The following SPAG16 variants were observed in gnomAD, a reference collection of about 807,000 sequenced individuals.
SPAG16 encodes sperm-associated antigen 16 protein.
SPAG16 carries 86 observed loss-of-function variants against 80.4 expected under a neutral mutation model. That is an observed-to-expected ratio of 1.07 (90% CI 0.90 to 1.28). The LOEUF (loss-of-function observed/expected upper bound fraction) is 1.28, where lower values mean the gene tolerates loss of function less well. SPAG16 is among the 50% of genes most tolerant of loss of function. The probability of loss-of-function intolerance (pLI) is 0.00; values close to 1 mark genes in which losing one functional copy is unlikely to be tolerated. For synonymous variants in SPAG16, 294 were observed against 265.9 expected (o/e 1.11, Z -1.03); for missense variants, 870 against 765.3 (o/e 1.14, Z -1.61).
chr2:213,915,499 G>A (rs991669559), intron 11 of SPAG16, among the ~76,000 whole-genome samples: 2 of 152,134 alleles, frequency 1.3e-5, no homozygotes, highest in Admixed American at 1.3e-4. Flanking sequence ...TGGTGTATAT[G>A]TGCCACATTT....
intron 14 of SPAG16, among the ~76,000 whole-genome samples, chr2:214,133,115 T>A (rs369312660): frequency 1.5e-4 from 11 of 74,714 alleles, no homozygotes; most frequent in South Asian, 4.4e-4. Context: ...ATAAAAAAAA[T>A]AAATAAATAA....
chr2:213,531,359 AGTGTGTGT>A (rs56011234), intron 10 of SPAG16, among the ~76,000 whole-genome samples: 27 of 142,118 alleles, frequency 1.9e-4, no homozygotes, highest in Non-Finnish European at 2.2e-4. Flanking sequence ...AAAAGATGTG[AGTGTGTGT>A]GTGTGTGTGT....
intron 10 of SPAG16, among the ~76,000 whole-genome samples, chr2:213,837,243 G>T (rs2074133736): frequency 6.6e-6 from 1 of 152,186 alleles, no homozygotes; most frequent in South Asian, 2.1e-4. Flanking sequence ...TCAGTGATGT[G>T]CTAGGGCACT....
At chr2:213,384,340 T>C (rs924772400) in intron 9 of SPAG16, among the ~76,000 whole-genome samples, 1 of 152,216 alleles carries the variant, frequency 6.6e-6, no homozygotes, top group Admixed American at 6.5e-5. Context: ...ATACCAAGTA[T>C]GTTCTTTCAA....
At chr2:213,428,959 G>A (rs1462579920) in intron 9 of SPAG16, among the ~76,000 whole-genome samples, 1 of 152,022 alleles carries the variant, frequency 6.6e-6, no homozygotes, top group Non-Finnish European at 1.5e-5. Context: ...GAGCATGGTG[G>A]CAGGCTCCTG....
At chr2:213,323,379 T>C (rs578079977) in intron 5 of SPAG16, among the ~76,000 whole-genome samples, 1 of 152,100 alleles carries the variant, frequency 6.6e-6, no homozygotes, top group South Asian at 2.1e-4. Flanking sequence ...AGGCGGAGCT[T>C]GCAGTGAGCC....
intron 9 of SPAG16, among the ~76,000 whole-genome samples, chr2:213,385,849 T>C (rs1178120051): frequency 6.6e-6 from 1 of 152,008 alleles, no homozygotes; most frequent in Non-Finnish European, 1.5e-5. Flanking sequence ...AATAAATTTA[T>C]TTTTCCATAA....
chr2:214,250,769 G>A lies in SPAG16; in HGVS notation c.1720+101503G>A, dbSNP rs1395289728. On this transcript the variant is annotated intron_variant, in intron 15 of 15. Transcript: ENST00000331683. ...ATATATATATATATAGAGAGAGAGA[G>A]AGAGAGAGAGAGAGAGAGAGTCAAA... Among the ~76,000 whole-genome samples, 37 of 145,206 alleles carry A rather than the reference G, an allele frequency of 2.5e-4. No homozygotes were observed. In the East Asian group the frequency reaches 6.8e-3, roughly 27 times the overall value.
At chr2:213,755,111 T>A (rs2068262270) in intron 10 of SPAG16, among the ~76,000 whole-genome samples, 1 of 152,250 alleles carries the variant, frequency 6.6e-6, no homozygotes, top group South Asian at 2.1e-4. Context: ...TTTTTGATGT[T>A]ATAATGACAT....
chr2:213,468,929 G>C (rs984445359), intron 9 of SPAG16, among the ~76,000 whole-genome samples: 4 of 151,932 alleles, frequency 2.6e-5, no homozygotes, highest in African/African-American at 9.7e-5. Flanking sequence ...AGGCTGGGAG[G>C]CTAGGCCATC....
intron 10 of SPAG16, among the ~76,000 whole-genome samples, chr2:213,528,208 A>G (rs1218010998): frequency 6.6e-6 from 1 of 152,078 alleles, no homozygotes; most frequent in Non-Finnish European, 1.5e-5. Flanking sequence ...AATTTTCAGG[A>G]TAGGTGAAAC....
intron 9 of SPAG16, among the ~76,000 whole-genome samples, chr2:213,455,549 C>T (rs1385196425): frequency 2.0e-5 from 3 of 152,136 alleles, no homozygotes; most frequent in Non-Finnish European, 2.9e-5. Flanking sequence ...CCAGACTTTT[C>T]GGCACCAGGG....
chr2:214,166,957 T>G (rs2056680555), intron 15 of SPAG16, among the ~76,000 whole-genome samples: 1 of 152,144 alleles, frequency 6.6e-6, no homozygotes, highest in South Asian at 2.1e-4. Context: ...CTTAAGGACC[T>G]CCCACATCTA....
chr2:213,517,313 C>T (rs1253771926), intron 10 of SPAG16, among the ~76,000 whole-genome samples: 1 of 152,084 alleles, frequency 6.6e-6, no homozygotes, highest in South Asian at 2.1e-4. Flanking sequence ...TTAGAGATGA[C>T]ACAAATAAAG....
At chr2:213,750,914 G>A (rs2068049673) in intron 10 of SPAG16, among the ~76,000 whole-genome samples, 1 of 152,076 alleles carries the variant, frequency 6.6e-6, no homozygotes, top group South Asian at 2.1e-4. Flanking sequence ...CTGGACCACC[G>A]ATGATACATT....
chr2:213,620,760 C>G (rs989280593), intron 10 of SPAG16, among the ~76,000 whole-genome samples: 27 of 151,926 alleles, frequency 1.8e-4, no homozygotes, highest in Admixed American at 2.6e-4. Flanking sequence ...TACAATGATT[C>G]TATATAAAGA....
intron 14 of SPAG16, among the ~76,000 whole-genome samples, chr2:214,124,314 A>G (rs988780012): frequency 6.6e-6 from 1 of 151,864 alleles, no homozygotes; most frequent in Non-Finnish European, 1.5e-5. Context: ...CCACTCAGAC[A>G]ACTGGTCTTC....
Position 214,345,059 on chromosome 2 carries a change from T to C in SPAG16, c.1721-65081T>C, listed in dbSNP as rs563807594. ...ATGATGGGAAACAATCGTTCTTACCTTTAGTAAACTTAAAGTCCAACAGAA... is the reference window on the plus strand; with the variant it reads ...ATGATGGGAAACAATCGTTCTTACCCTTAGTAAACTTAAAGTCCAACAGAA... On this transcript the variant is annotated intron_variant, in intron 15 of 15. Transcript: ENST00000331683. 5.6e-4 allele frequency among the ~76,000 whole-genome samples: 86 copies of C among 152,300 alleles called. 1 individual carries two copies. In the Middle Eastern group the frequency reaches 0.01, roughly 18 times the overall value.
At chr2:213,907,000 G>A (rs1478461242) in intron 11 of SPAG16, among the ~76,000 whole-genome samples, 5 of 152,128 alleles carry the variant, frequency 3.3e-5, no homozygotes, top group Admixed American at 2.0e-4. Context: ...AATAACAAAA[G>A]TAGACAGATG....
Sources: gnomAD v4.1 joint callset for allele counts (sites outside exome capture counted in the v4.1 genomes callset) on GRCh38, gnomAD v4.1.1 for gene constraint, MANE v1.5 for transcripts, NCBI Gene and HGNC (gene_info 2026-07-23, HGNC 2026-07-21) for gene names.